HMOX1: variants seen among roughly 807,000 people sequenced by gnomAD.
HMOX1 encodes the protein heat shock protein, 32-kD.
A neutral mutation model predicts 27.8 loss-of-function variants in HMOX1; 22 were observed. The ratio of observed to expected loss-of-function variants is 0.79; its 90% CI spans 0.57 to 1.13. HMOX1 has a LOEUF of 1.13. HMOX1 is among the 50% of genes most tolerant of loss of function. The pLI is 0.00. For synonymous variants in HMOX1, 153 were observed against 151.6 expected (o/e 1.01, Z -0.07); for missense variants, 379 against 377.7 (o/e 1.00, Z -0.03).
intron 1 of HMOX1, among the ~76,000 whole-genome samples, chr22:35,382,341 T>TTTTTTTGC (rs770646191): frequency 6.6e-6 from 1 of 151,702 alleles, no homozygotes; most frequent in Admixed American, 6.6e-5. Context: ...TGTTTTTTTG[T>TTTTTTTGC]TTTTTTGCTT....
intron 2 of HMOX1, among the ~76,000 whole-genome samples, chr22:35,383,777 C>T (rs976468852): frequency 4.6e-5 from 7 of 152,178 alleles, no homozygotes; most frequent in African/African-American, 9.7e-5. Context: ...CCCTAAGCCA[C>T]GTTTTCCCCA....
At chr22:35,390,050 T>C (rs1230368235) in intron 4 of HMOX1, 87 bp downstream of exon 4, 1 of 939,126 alleles carries the variant, frequency 1.1e-6, no homozygotes, top group African/African-American at 1.6e-5. Flanking sequence ...TTCCTCTGTT[T>C]TCTGAATGTT....
rs199535572 is a variant in HMOX1 at position 35,387,156 on chromosome 22, G to T, written c.616G>T (p.Ala206Ser). ...RQRVIEEAKT[A>S]FLLNIQLFEE... ...GAGGGTGATAGAAGAGGCCAAGACT[G>T]CGTTCCTGCTCAACATCCAGGTGAG... The change falls in exon 3 of 5, where the codon GCG (alanine) becomes TCG (serine). Residue 206 changes from alanine to serine, a missense_variant. Transcript: ENST00000216117. 1.4e-5 allele frequency: 22 copies of T among 1,613,526 alleles called. No individual in the cohort carries two copies. In the East Asian group the frequency reaches 4.9e-4, roughly 36 times the overall value.
At position 35,389,396 on chromosome 22, in the gene HMOX1, C is replaced by CT. The variant is rs1259869734; in HGVS notation, c.637-465dup. Among the ~76,000 whole-genome samples the CT allele has an allele frequency of 3.7e-5, 2 of 53,932 alleles. 1 individual carries two copies. Among genetic ancestry groups the CT allele is most frequent in the African/African-American group, 2.9e-4 (2 of 6,976 alleles). 35.4% of individuals were successfully genotyped at this position (53,932 alleles called of 152,430 possible). A position where few individuals can be genotyped will look rare whatever the true frequency, so the allele number is the denominator to read the frequency against. On this transcript the variant is annotated intron_variant, in intron 3 of 4. Coordinates refer to ENST00000216117, the MANE Select transcript of HMOX1 (RefSeq NM_002133.3). ...CCTTCCTTCCTTCCTTCCTTCCTTC[C>CT]TTTCTTTCTTTCTTTCTTTCTTTCT...
chr22:35,393,779 C>A lies in HMOX1; in HGVS notation c.*181C>A. ...AAGGAGCCTATGGCATCTTCCCCAA[C>A]GAAAAGCACATCCAGGCAATGGCCT... On this transcript the variant is annotated 3_prime_UTR_variant, in exon 5 of 5. Transcript: ENST00000216117. The A allele has an allele frequency of 1.3e-6, 1 of 740,990 alleles. No individual in the cohort carries two copies. Among genetic ancestry groups the A allele is most frequent in the Non-Finnish European group, 2.3e-6 (1 of 430,216 alleles). 45.9% of individuals were successfully genotyped at this position (740,990 alleles called of 1,614,324 possible).
At chr22:35,384,627 A>G (rs1487562320) in intron 2 of HMOX1, among the ~76,000 whole-genome samples, 3 of 151,942 alleles carry the variant, frequency 2.0e-5, no homozygotes, top group African/African-American at 7.3e-5. Flanking sequence ...GCCAAGATCC[A>G]TGAGAGAATC....
chr22:35,382,520 T>G (rs1215083737), intron 1 of HMOX1, among the ~76,000 whole-genome samples: 1 of 149,230 alleles, frequency 6.7e-6, no homozygotes, highest in African/African-American at 2.5e-5. Context: ...CCCGGCTATT[T>G]TTTTTTTTTT....
chr22:35,382,989 TG>T, intron 1 of HMOX1, 116 bp from the exon 2 acceptor site: 1 of 1,395,402 alleles, frequency 7.2e-7, no homozygotes, highest in Non-Finnish European at 1.0e-6. Flanking sequence ...ATTGAGAACG[TG>T]GCCTGAATGA....
chr22:35,392,866 G>A (rs1307319007), intron 4 of HMOX1, among the ~76,000 whole-genome samples: 1 of 151,942 alleles, frequency 6.6e-6, no homozygotes, highest in Admixed American at 6.6e-5. Flanking sequence ...ACTGGCACTC[G>A]CAACCATACC....
At chr22:35,389,377 TTCCTTC>T (rs1569057503) in intron 3 of HMOX1, among the ~76,000 whole-genome samples, 16 of 77,398 alleles carry the variant, frequency 2.1e-4, no homozygotes, top group Middle Eastern at 5.2e-3. Flanking sequence ...CCTTCCTTCC[TTCCTTC>T]CTTCCTTCCT....
At chr22:35,386,581 C>T in intron 2 of HMOX1, 104 bp from the exon 3 acceptor site, 5 of 1,446,756 alleles carry the variant, frequency 3.5e-6, no homozygotes, top group Non-Finnish European at 4.8e-6. Context: ...CAGAGCCCAG[C>T]TGCGAAGTGA....
chr22:35,388,532 A>C (rs1931564556), intron 3 of HMOX1, among the ~76,000 whole-genome samples: 1 of 152,106 alleles, frequency 6.6e-6, no homozygotes, highest in African/African-American at 2.4e-5. Flanking sequence ...TCACGCCTGT[A>C]ATTCCAGCAC....
chr22:35,386,908 G>C lies in HMOX1; in HGVS notation c.368G>C (p.Arg123Pro). The C allele has an allele frequency of 6.2e-7, 1 of 1,614,030 alleles. No individual in the cohort carries two copies. Among genetic ancestry groups the C allele is most frequent in the Non-Finnish European group, 8.5e-7 (1 of 1,180,006 alleles). ...RYVKRLHEVGRTEPELLVAHA... is the reference protein window; with the variant it reads ...RYVKRLHEVGPTEPELLVAHA... ...GTGAAGCGGCTCCACGAGGTGGGGC[G>C]CACAGAGCCCGAGCTGCTGGTGGCC... is the stretch of plus-strand genomic sequence containing the variant. The change falls in exon 3 of 5, where the codon CGC becomes CCC. Residue 123 changes from arginine (R) to proline (P), a missense_variant. By Grantham distance (103) the Arg-to-Pro change is moderately radical (BLOSUM62 -2). Coordinates refer to ENST00000216117, the MANE Select transcript of HMOX1 (RefSeq NM_002133.3).
At chr22:35,384,265 G>T (rs1458337046) in intron 2 of HMOX1, among the ~76,000 whole-genome samples, 1 of 151,968 alleles carries the variant, frequency 6.6e-6, no homozygotes, top group East Asian at 1.9e-4. Flanking sequence ...TATTTTTTTA[G>T]TAGAGACAGG....
chr22:35,381,326 G>A, intron 1 of HMOX1, 130 bp downstream of exon 1: 1 of 1,094,254 alleles, frequency 9.1e-7, no homozygotes. Context: ...TCTGGAGTCA[G>A]GAGGTGCGGG....
chr22:35,389,862 AG>A lies in HMOX1; in HGVS notation c.637-1del. ...TAGGCATGTGTGTCTTTTGTCTTTT[AG>A]CTCTTTGAGGAGTTGCAGGAGCTGC... is the stretch of plus-strand genomic sequence containing the variant. On this transcript the variant is annotated splice_acceptor_variant, in intron 3 of 4. Coordinates refer to ENST00000216117, the MANE Select transcript of HMOX1 (RefSeq NM_002133.3). LOFTEE classifies it high-confidence loss of function. 6.2e-7 allele frequency: 1 copy of A among 1,601,684 alleles called. No individual in the cohort carries two copies. Among genetic ancestry groups the A allele is most frequent in the Non-Finnish European group, 8.5e-7 (1 of 1,174,112 alleles).
At position 35,381,144 on chromosome 22, in the gene HMOX1, G is replaced by A. The variant is rs778159412; in HGVS notation, c.-30G>A. 2 of 1,539,980 alleles carry A rather than the reference G, an allele frequency of 1.3e-6. No individual in the cohort carries two copies. The highest frequency in any genetic ancestry group is 1.4e-5 in the African/African-American group (1 of 73,420). On this transcript the variant is annotated 5_prime_UTR_variant, in exon 1 of 5. Transcript: ENST00000216117. ...CCTCAGCGCAGCCGCCGCCCGCGGA[G>A]CCAGCACGAACGAGCCCAGCACCGG...
Position 35,387,133 on chromosome 22 carries a change from G to A in HMOX1, c.593G>A (p.Arg198Lys). The A allele has an allele frequency of 6.2e-7, 1 of 1,613,586 alleles. No homozygotes were observed. The highest frequency in any genetic ancestry group is 8.5e-7 in the Non-Finnish European group (1 of 1,180,052). Residue 198 changes from arginine to lysine, a missense_variant, in exon 3 of 5, where the codon AGG becomes AAG. By Grantham distance (26) the Arg-to-Lys change is conservative (BLOSUM62 2). Coordinates refer to ENST00000216117, the MANE Select transcript of HMOX1 (RefSeq NM_002133.3). ...GAGATGACTCCCGCAGTCAGGCAGA[G>A]GGTGATAGAAGAGGCCAAGACTGCG... is the stretch of plus-strand genomic sequence containing the variant. ...SLEMTPAVRQ[R>K]VIEEAKTAFL...
intron 2 of HMOX1, 52 bp downstream of exon 2, chr22:35,383,278 G>T: frequency 1.2e-6 from 2 of 1,601,824 alleles, no homozygotes; most frequent in Non-Finnish European, 1.7e-6. Context: ...AGGTGTGGGT[G>T]GACCCAAGGC....
Sources: allele counts gnomAD v4.1 joint callset (sites outside exome capture counted in the v4.1 genomes callset), GRCh38; gene constraint gnomAD v4.1.1; transcripts MANE v1.5; gene names NCBI Gene and HGNC (gene_info 2026-07-23, HGNC 2026-07-21).